The following PHTF1 variants were observed in gnomAD, a reference collection of about 807,000 sequenced individuals.
PHTF1 encodes the protein protein PHTF1.
PHTF1 carries 88 observed loss-of-function variants against 102.4 expected under a neutral mutation model. The observed-to-expected ratio is 0.86, with a 90% CI of 0.72 to 1.03. PHTF1 has a LOEUF of 1.03. Among genes scored for constraint, PHTF1 ranks in the 50% least tolerant of loss-of-function variants. The pLI is 0.00. For synonymous variants in PHTF1, 289 were observed against 305.2 expected (o/e 0.95, Z 0.55); for missense variants, 814 against 909.5 (o/e 0.89, Z 1.35).
At chr1:113,710,819 T>A (rs1204795099) in intron 10 of PHTF1, among the ~76,000 whole-genome samples, 5 of 147,120 alleles carry the variant, frequency 3.4e-5, no homozygotes, top group African/African-American at 1.2e-4. Flanking sequence ...TATTTTTTTT[T>A]TTTTTTTGTA....
chr1:113,748,367 G>A (rs1353365276), intron 3 of PHTF1, among the ~76,000 whole-genome samples: 1 of 152,020 alleles, frequency 6.6e-6, no homozygotes, highest in African/African-American at 2.4e-5. Context: ...TCTTCTCCAT[G>A]TATTTCCTTT....
intron 10 of PHTF1, among the ~76,000 whole-genome samples, 185 bp from the exon 11 acceptor site, chr1:113,710,660 G>A (rs752861113): frequency 2.4e-4 from 37 of 151,286 alleles, no homozygotes; most frequent in African/African-American, 6.1e-4. Context: ...ATACAGGGTC[G>A]CGCTCTGTCA....
intron 2 of PHTF1, 50 bp from the exon 3 acceptor site, chr1:113,757,805 CATT>C: frequency 8.6e-7 from 1 of 1,165,362 alleles, no homozygotes; most frequent in Non-Finnish European, 1.3e-6. Flanking sequence ...GAAATCCTTA[CATT>C]ATTAAGTCAA....
intron 11 of PHTF1, among the ~76,000 whole-genome samples, 199 bp from the exon 12 acceptor site, chr1:113,706,921 G>C (rs1650303774): frequency 6.8e-6 from 1 of 146,562 alleles, no homozygotes. Context: ...CAAACTCCTG[G>C]GCCCAAGCAA....
At chr1:113,758,955 A>C in intron 1 of PHTF1, 68 bp downstream of exon 1, 1 of 838,472 alleles carries the variant, frequency 1.2e-6, no homozygotes. Context: ...GGTGCGGGGG[A>C]GGGGCAGGGG....
chr1:113,705,901 TTCTC>T lies in PHTF1; in HGVS notation c.1656_1659del (p.Arg553HisfsTer47). Reference sequence around the variant, plus strand: ...ATTTCTCCACTGACCTGTTTATATGTTCTCTCTGCCACACACATCATGAAAAAAA... The same window carrying T: ...ATTTCTCCACTGACCTGTTTATATGTTCTGCCACACACATCATGAAAAAAA... On this transcript the variant is annotated frameshift_variant, in exon 13 of 19. Transcript: ENST00000369604. LOFTEE classifies it high-confidence loss of function. 1 of 1,613,718 alleles carries T rather than the reference TTCTC, an allele frequency of 6.2e-7. No individual in the cohort carries two copies. The highest frequency in any genetic ancestry group is 2.2e-5 in the East Asian group (1 of 44,858).
Position 113,738,140 on chromosome 1 carries a change from CAAAGATTCTT to C in PHTF1, c.291_300del (p.Arg98PhefsTer12). 1 of 1,612,262 alleles carries C rather than the reference CAAAGATTCTT, an allele frequency of 6.2e-7. No individual in the cohort carries two copies. The highest frequency in any genetic ancestry group is 8.5e-7 in the Non-Finnish European group (1 of 1,178,538). ...ATGAAATAAAGTAGTAACAGCCAAA[CAAAGATTCTT>C]AAAGAGGTAACCTGAATCCACCAAT... On this transcript the variant is annotated frameshift_variant, in exon 5 of 19. Transcript: ENST00000369604. LOFTEE classifies it high-confidence loss of function.
Position 113,757,552 on chromosome 1 carries a change from CATT to C in PHTF1, c.102+144_102+146del, listed in dbSNP as rs964194833. 4.8e-6 allele frequency: 3 copies of C among 625,294 alleles called. No individual in the cohort carries two copies. In the African/African-American group the frequency reaches 5.5e-5, roughly 12 times the overall value. 38.7% of individuals were successfully genotyped at this position (625,294 alleles called of 1,614,324 possible). ...AGGCCAAAAATCAAGTGTCACTTCT[CATT>C]ATGCTTGCACTGCTTTTCTTATAAC... On this transcript the variant is annotated intron_variant, in intron 3 of 18. Transcript: ENST00000369604.
At chr1:113,745,803 T>C (rs1356748611) in intron 3 of PHTF1, among the ~76,000 whole-genome samples, 1 of 152,190 alleles carries the variant, frequency 6.6e-6, no homozygotes, top group East Asian at 1.9e-4. Context: ...ACTGTCTAGT[T>C]GCAGAAAAAC....
At chr1:113,741,707 A>T (rs962928579) in intron 3 of PHTF1, among the ~76,000 whole-genome samples, 9 of 152,270 alleles carry the variant, frequency 5.9e-5, no homozygotes, top group South Asian at 2.1e-4. Flanking sequence ...AGTATCTTCT[A>T]TATGTCAGAT....
intron 2 of PHTF1, among the ~76,000 whole-genome samples, chr1:113,758,231 CAAAAAAA>C (rs1162537319): frequency 2.6e-4 from 15 of 58,220 alleles, no homozygotes; most frequent in Middle Eastern, 8.6e-3. Context: ...AACTCCGTCT[CAAAAAAA>C]AAAAAAAAAA....
At chr1:113,733,982 G>A (rs573747479) in intron 5 of PHTF1, among the ~76,000 whole-genome samples, 8 of 152,302 alleles carry the variant, frequency 5.3e-5, no homozygotes, top group East Asian at 1.9e-4. Flanking sequence ...AGAGGAGGCC[G>A]GGTGTAGTGG....
intron 11 of PHTF1, among the ~76,000 whole-genome samples, chr1:113,709,492 T>C (rs1359986684): frequency 6.6e-6 from 1 of 152,204 alleles, no homozygotes; most frequent in Non-Finnish European, 1.5e-5. Flanking sequence ...GAAAGGTTGA[T>C]AAGTGAACTA....
At chr1:113,705,015 A>C (rs1378729862) in intron 13 of PHTF1, among the ~76,000 whole-genome samples, 2 of 152,240 alleles carry the variant, frequency 1.3e-5, no homozygotes, top group Non-Finnish European at 2.9e-5. Flanking sequence ...AATGTGGTAC[A>C]CTCAACATTT....
At position 113,705,909 on chromosome 1, in the gene PHTF1, G is replaced by C. The variant is rs1387995824; in HGVS notation, c.1652C>G (p.Ala551Gly). The C allele has an allele frequency of 6.2e-7, 1 of 1,613,782 alleles. No individual in the cohort carries two copies. The stretch of plus-strand genomic sequence containing the variant: ...ACTGACCTGTTTATATGTTCTCTCT[G>C]CCACACACATCATGAAAAAAAACAT... ...TWMFFFMMCV[A>G]ERTYKQRFLF... Residue 551 changes from alanine to glycine, a missense_variant, in exon 13 of 19, where the codon GCA (alanine) becomes GGA (glycine). By Grantham distance (60) the Ala-to-Gly change is moderately conservative (BLOSUM62 0). Transcript: ENST00000369604.
chr1:113,721,834 T>C (rs772746909), intron 7 of PHTF1, among the ~76,000 whole-genome samples: 5 of 151,394 alleles, frequency 3.3e-5, no homozygotes, highest in Non-Finnish European at 7.4e-5. Flanking sequence ...GGACTACAGG[T>C]GCCCGCCACC....
intron 11 of PHTF1, among the ~76,000 whole-genome samples, chr1:113,708,392 G>A (rs1486871561): frequency 2.6e-5 from 4 of 152,192 alleles, no homozygotes; most frequent in Non-Finnish European, 5.9e-5. Flanking sequence ...TTCGGAGGCC[G>A]AGGTGAGTGG....
intron 7 of PHTF1, among the ~76,000 whole-genome samples, chr1:113,720,384 T>C (rs1652732799): frequency 6.6e-6 from 1 of 151,948 alleles, no homozygotes; most frequent in Non-Finnish European, 1.5e-5. Flanking sequence ...AGACAGATCA[T>C]CCAAATAGAA....
intron 7 of PHTF1, chr1:113,713,763 T>G: frequency 4.2e-6 from 1 of 236,572 alleles, no homozygotes; most frequent in Non-Finnish European, 8.1e-6. Flanking sequence ...TCGTCTGTTA[T>G]TGCCACTCCA....
Sources: gnomAD v4.1 joint callset for allele counts (sites outside exome capture counted in the v4.1 genomes callset) on GRCh38, gnomAD v4.1.1 for gene constraint, MANE v1.5 for transcripts, NCBI Gene and HGNC (gene_info 2026-07-23, HGNC 2026-07-21) for gene names.